Variants in SLC39A4 observed in about 807,000 individuals in gnomAD.
SLC39A4 encodes solute carrier family 39 member 4.
A neutral mutation model predicts 56.6 loss-of-function variants in SLC39A4; 49 were observed. The observed-to-expected ratio is 0.87, with a 90% CI of 0.69 to 1.10. The LOEUF (loss-of-function observed/expected upper bound fraction) is 1.10. SLC39A4 is among the 50% of genes least tolerant of loss of function. The probability of loss-of-function intolerance (pLI) is 0.00; values close to 1 mark genes in which losing one functional copy is unlikely to be tolerated. For synonymous variants in SLC39A4, 540 were observed against 420.4 expected, an observed-to-expected ratio of 1.28 and a Z score of -3.48; for missense variants, 993 against 864.2, an observed-to-expected ratio of 1.15 and a Z score of -1.87.
rs781841476 is a variant in SLC39A4, at chr8:144,414,445, G to T, written c.977-11C>A. 1.9e-6 allele frequency: 3 copies of T among 1,551,674 alleles called. No individual in the cohort carries two copies. Among genetic ancestry groups the T allele is most frequent in the African/African-American group, 2.7e-5 (2 of 73,142 alleles). ...AGCCGTACAGATACCCTGGGGGCGG[G>T]TGAGGCGGCTGTGAGAGCTTTTCTT... On this transcript the variant is annotated splice_polypyrimidine_tract_variant and intron_variant, in intron 5 of 11. Transcript: ENST00000301305.
rs970414288 is a variant in SLC39A4 at position 144,416,349 on chromosome 8, C to T, written c.192+249G>A. The T allele has an allele frequency of 2.9e-5, 42 of 1,463,686 alleles. No individual in the cohort carries two copies. In the South Asian group the frequency reaches 5.5e-4, roughly 19 times the overall value. The allele number at this position is 1,463,686 out of a possible 1,614,324, so 90.7% of individuals were successfully genotyped here. A position where few individuals can be genotyped will look rare whatever the true frequency, so the allele number is the denominator to read the frequency against. The stretch of plus-strand genomic sequence containing the variant: ...CCTGGAGCCACTGCCAATTTGATGG[C>T]AGAGGGCCGGCAGGGGGAGTTGGCC... On this transcript the variant is annotated intron_variant, in intron 1 of 11. Coordinates refer to ENST00000301305, the MANE Select transcript of SLC39A4 (RefSeq NM_130849.4).
rs782206452 is a variant in SLC39A4 at position 144,416,690 on chromosome 8, A to G, written c.100T>C (p.Ser34Pro). 6.2e-7 allele frequency: 1 copy of G among 1,612,278 alleles called. No individual in the cohort carries two copies. Among genetic ancestry groups the G allele is most frequent in the Non-Finnish European group, 8.5e-7 (1 of 1,179,712 alleles). ...TCTTGATCCAGAGCGCCCTGGCCAG[A>G]GGTGAGCAGGCTCAGCAGACCAGCA... ...PPAGLLSLLT[S>P]GQGALDQEAL... Residue 34 changes from serine to proline, a missense_variant, in exon 1 of 12, where the codon TCT becomes CCT. Coordinates refer to ENST00000301305, the MANE Select transcript of SLC39A4 (RefSeq NM_130849.4).
chr8:144,415,067 G>A lies in SLC39A4; in HGVS notation c.711C>T (p.Ala237=), dbSNP rs781971274. ...TGTGCCGATGACTGTGGTCACTGTG[G>A]GCCTCCCTGCCCACCCCCAGGCGCT... The part of the protein sequence containing the change: ...LMQRLGVGRE[A]HSDHSHRHRG... Residue 237 remains alanine (A), a synonymous_variant, in exon 4 of 12, where the codon GCC becomes GCT. Transcript: ENST00000301305. The A allele has an allele frequency of 3.7e-6, 6 of 1,611,312 alleles. No homozygotes were observed. The highest frequency in any genetic ancestry group is 1.7e-5 in the Admixed American group (1 of 60,002).
At chr8:144,413,913 C>T (rs548618703) in intron 7 of SLC39A4, 32 bp from the exon 8 acceptor site, 8 of 1,609,836 alleles carry the variant, frequency 5.0e-6, no homozygotes, top group East Asian at 4.5e-5. Flanking sequence ...GTCCACCAGG[C>T]CCCCAGCACA....
chr8:144,413,775 G>T lies in SLC39A4; in HGVS notation c.1394C>A (p.Pro465His), dbSNP rs782469375. ...CAGGTCTGCGCGGGAGCCCTCGTGGGGGGGCTTGGGCTGCCGGAGCTCGCT... is the reference window on the plus strand; with the variant it reads ...CAGGTCTGCGCGGGAGCCCTCGTGGTGGGGCTTGGGCTGCCGGAGCTCGCT... The part of the protein sequence containing the change: ...APSELRQPKP[P>H]HEGSRADLVA... Residue 465 changes from proline (P) to histidine (H), a missense_variant, in exon 8 of 12, where the codon CCC (proline) becomes CAC (histidine). By Grantham distance (77) the Pro-to-His change is moderately conservative. Coordinates refer to ENST00000301305, the MANE Select transcript of SLC39A4 (RefSeq NM_130849.4). The T allele has an allele frequency of 3.9e-6, 6 of 1,544,726 alleles. No homozygotes were observed. The highest frequency in any genetic ancestry group is 2.4e-5 in the South Asian group (2 of 84,670).
chr8:144,415,496 C>T, intron 2 of SLC39A4, 77 bp from the exon 3 acceptor site: 1 of 1,451,338 alleles, frequency 6.9e-7, no homozygotes, highest in Non-Finnish European at 9.3e-7. Flanking sequence ...GGATGCATCT[C>T]CCACCCCAAC....
rs782486895 is a variant in SLC39A4 at position 144,414,954 on chromosome 8, T to A, written c.804+20A>T. On this transcript the variant is annotated intron_variant, in intron 4 of 11. Transcript: ENST00000301305. ...AGCAGACCCCGGTGAGGCCCCATCT[T>A]ACCCCAGGGCGCAGCTCACCGTGTC... The A allele has an allele frequency of 1.3e-5, 21 of 1,612,800 alleles. No individual in the cohort carries two copies. In the East Asian group the frequency reaches 4.2e-4, roughly 33 times the overall value.
chr8:144,416,655 G>A lies in SLC39A4; in HGVS notation c.135C>T (p.Gly45=), dbSNP rs78328307. 25 of 1,610,090 alleles carry A rather than the reference G, an allele frequency of 1.6e-5. No individual in the cohort carries two copies. The East Asian group carries it at 4.0e-4, about 26-fold the overall frequency. The change falls in exon 1 of 12, where the codon GGC becomes GGT. Residue 45 remains glycine, a synonymous_variant. Coordinates refer to ENST00000301305, the MANE Select transcript of SLC39A4 (RefSeq NM_130849.4). Reference sequence around the variant, plus strand: ...GGTCCGCCAGCGTATTTAACAGGCCGCCCAGAGCCTCTTGATCCAGAGCGC... The same window carrying A: ...GGTCCGCCAGCGTATTTAACAGGCCACCCAGAGCCTCTTGATCCAGAGCGC... ...GQGALDQEAL[G]GLLNTLADRV...
At chr8:144,413,137 G>T (rs1422514155) in intron 10 of SLC39A4, 100 bp downstream of exon 10, 26 of 1,485,406 alleles carry the variant, frequency 1.8e-5, no homozygotes, top group Non-Finnish European at 2.2e-5. Context: ...AGCCAGGTGC[G>T]GCCCCGCCCA....
chr8:144,412,706 G>T, intron 11 of SLC39A4, 40 bp from the exon 12 acceptor site: 1 of 1,613,460 alleles, frequency 6.2e-7, no homozygotes, highest in South Asian at 1.1e-5. Context: ...CCCCTGCTCA[G>T]CTCCTCTGCT....
chr8:144,413,547 C>T lies in SLC39A4; in HGVS notation c.1440G>A (p.Glu480=), dbSNP rs1554872451. Residue 480 remains glutamate, a synonymous_variant, in exon 9 of 12, where the codon GAG becomes GAA. Coordinates refer to ENST00000301305, the MANE Select transcript of SLC39A4 (RefSeq NM_130849.4). ...RADLVAEESP[E]LLNPEPRRLS... ...GTCTCCTGGGCTCAGGGTTCAGCAG[C>T]TCCGGGCTCTCCTCCGCCACCTGGG... The T allele has an allele frequency of 1.3e-6, 2 of 1,554,554 alleles. No homozygotes were observed. The highest frequency in any genetic ancestry group is 2.4e-5 in the East Asian group (1 of 41,282).
rs374169014 is a variant in SLC39A4 at position 144,413,991 on chromosome 8, G to A, written c.1254C>T (p.Asn418=). 1.9e-6 allele frequency: 3 copies of A among 1,608,912 alleles called. No homozygotes were observed. Among genetic ancestry groups the A allele is most frequent in the African/African-American group, 1.3e-5 (1 of 74,942 alleles). The part of the protein sequence containing the change: ...AGLYAFFLFE[N]LFNLLLPRDP... The stretch of plus-strand genomic sequence containing the variant: ...CCCTGGGCAGCAGGAGATTGAAGAG[G>A]TTCTCAAACAGGAAGAAGGCGTAGA... Residue 418 remains asparagine (N), a synonymous_variant, in exon 7 of 12, where the codon AAC becomes AAT. Coordinates refer to ENST00000301305, the MANE Select transcript of SLC39A4 (RefSeq NM_130849.4).
At chr8:144,414,160 G>A (rs957521414) in intron 6 of SLC39A4, 65 bp from the exon 7 acceptor site, 70 of 1,562,706 alleles carry the variant, frequency 4.5e-5, no homozygotes, top group Non-Finnish European at 5.4e-5. Context: ...GACCCAGGGA[G>A]AGGGGTCAGG....
In SLC39A4 at chr8:144,413,382, C is replaced by T. The variant is rs782189664; in HGVS notation, c.1482G>A (p.Arg494=). Residue 494 remains arginine (R), a synonymous_variant, in exon 10 of 12, where the codon AGG becomes AGA. Coordinates refer to ENST00000301305, the MANE Select transcript of SLC39A4 (RefSeq NM_130849.4). ...PEPRRLSPEL[R]LLPYMITLGD... ...CCAGAGTGATCATATAGGGCAGTAG[C>T]CTCAACTCTGCGGGCGCAGAGGCCC... 3.1e-6 allele frequency: 5 copies of T among 1,609,382 alleles called. No individual in the cohort carries two copies. The highest frequency in any genetic ancestry group is 1.1e-5 in the South Asian group (1 of 90,740).
In SLC39A4 at chr8:144,413,837, C is replaced by G. The variant is rs781893329; in HGVS notation, c.1332G>C (p.Gly444=). ...GPCGHSSHSH[G]GHSHGVSLQL... ...GCAGGGACACACCGTGGCTGTGGCC[C>G]CCGTGGCTATGGCTGCTGTGGCCGC... Residue 444 remains glycine, a synonymous_variant, in exon 8 of 12, where the codon GGG becomes GGC. Coordinates refer to ENST00000301305, the MANE Select transcript of SLC39A4 (RefSeq NM_130849.4). 9.4e-6 allele frequency: 15 copies of G among 1,594,856 alleles called. 1 individual carries two copies. In the South Asian group the frequency reaches 1.7e-4, roughly 18 times the overall value.
intron 4 of SLC39A4, 27 bp from the exon 5 acceptor site, chr8:144,414,923 G>T: frequency 6.2e-7 from 1 of 1,613,088 alleles, no homozygotes; most frequent in East Asian, 2.2e-5. Flanking sequence ...CAGGCTCAGG[G>T]GCCCAAGCAG....
At position 144,414,719 on chromosome 8, in the gene SLC39A4, A is replaced by T. The variant is rs782597770; in HGVS notation, c.976+6T>A. ...CTGCCAGCACAATGTCGGCGTGGGC[A>T]CTCACTCTCTGACTGGCTGAGCTGG... On this transcript the variant is annotated splice_donor_region_variant and intron_variant, in intron 5 of 11. Transcript: ENST00000301305. 1.2e-6 allele frequency: 2 copies of T among 1,612,254 alleles called. No individual in the cohort carries two copies. The highest frequency in any genetic ancestry group is 2.2e-5 in the South Asian group (2 of 91,042).
chr8:144,415,693 C>T (rs1822150341), intron 2 of SLC39A4, 117 bp downstream of exon 2: 2 of 1,399,206 alleles, frequency 1.4e-6, no homozygotes, highest in Admixed American at 2.8e-5. Flanking sequence ...CGCAGGCCGA[C>T]TCCTGGGCGT....
chr8:144,414,372 G>T lies in SLC39A4; in HGVS notation c.1039C>A (p.Leu347Met). The T allele has an allele frequency of 6.3e-7, 1 of 1,584,980 alleles. No individual in the cohort carries two copies. Among genetic ancestry groups the T allele is most frequent in the Non-Finnish European group, 8.6e-7 (1 of 1,167,036 alleles). Residue 347 changes from leucine (L) to methionine (M), a missense_variant, in exon 6 of 12, where the codon CTG (leucine) becomes ATG (methionine). Transcript: ENST00000301305. ...CCCCTGCAGCCAGTGCAGGTCAGCAGCAGGAGGCCAAAGACCGCGCAGAGG... is the reference window on the plus strand; with the variant it reads ...CCCCTGCAGCCAGTGCAGGTCAGCATCAGGAGGCCAAAGACCGCGCAGAGG... ...ICLCAVFGLL[L>M]LTCTGCRGVT...
Sources: allele counts gnomAD v4.1 joint callset, GRCh38; gene constraint gnomAD v4.1.1; transcripts MANE v1.5; gene names NCBI Gene and HGNC (gene_info 2026-07-23, HGNC 2026-07-21).